Variants in FRG1 observed in about 807,000 individuals in gnomAD.
FRG1 encodes the protein FSHD region gene 1, also known as protein FRG1.
Under a neutral mutation model 37.0 loss-of-function variants are expected in FRG1, and 19 were observed. The ratio of observed to expected loss-of-function variants is 0.51; its 90% confidence interval spans 0.36 to 0.75. FRG1 has a LOEUF of 0.75. FRG1 is among the 30% of genes least tolerant of loss of function. FRG1 has a pLI of 0.00. For synonymous variants in FRG1, 73 were observed against 96.5 expected (o/e 0.76, Z 1.43); for missense variants, 243 against 301.4 (o/e 0.81, Z 1.44).
chr4:189,963,033 C>A, intron 8 of FRG1, 60 bp from the exon 9 acceptor site: 3 of 1,080,474 alleles, frequency 2.8e-6, no homozygotes, highest in East Asian at 2.5e-5. Context: ...TATTTAGTAG[C>A]AGTTGAATAT....
chr4:189,955,228 T>C (rs1057348578), intron 5 of FRG1, 77 bp downstream of exon 5: 118 of 853,378 alleles, frequency 1.4e-4, no homozygotes, highest in Middle Eastern at 4.9e-4. Flanking sequence ...ATAATATATT[T>C]AAAAAGAAAA....
At chr4:189,944,427 A>AT (rs931051855) in intron 2 of FRG1, among the ~76,000 whole-genome samples, 31 of 147,096 alleles carry the variant, frequency 2.1e-4, no homozygotes, top group East Asian at 2.0e-3. Context: ...AGCTCAGTTT[A>AT]TTTTTTTTTT....
In FRG1 at chr4:189,940,893, T is replaced by C. The variant is rs1211994535; in HGVS notation, c.-117T>C. 4.3e-6 allele frequency: 3 copies of C among 704,706 alleles called. No homozygotes were observed. The highest frequency in any genetic ancestry group is 2.4e-5 in the Admixed American group (1 of 41,458). 43.7% of individuals were successfully genotyped at this position (704,706 alleles called of 1,614,324 possible). ...AGGCGGGTTCTACAGAGACGTAGGC[T>C]GTCAGGGAGTGTTTATTTCGCGTCC... On this transcript the variant is annotated 5_prime_UTR_variant, in exon 1 of 9. Transcript: ENST00000226798.
In FRG1 at chr4:189,941,659, T is replaced by C. The variant is rs1168577224; in HGVS notation, c.62+588T>C. On this transcript the variant is annotated intron_variant, in intron 1 of 8. Transcript: ENST00000226798. ...ATATCTGAACCTCCGTTTACACATT[T>C]ATACTTTCAGACGTTTTTTATACTT... Among the ~76,000 whole-genome samples the C allele has an allele frequency of 2.6e-5, 4 of 152,216 alleles. No individual in the cohort carries two copies. In the East Asian group the frequency reaches 7.7e-4, roughly 29 times the overall value.
Position 189,957,432 on chromosome 4 carries a change from T to A in FRG1, c.467T>A (p.Phe156Tyr), listed in dbSNP as rs781418925. ...KMALLASNSC[F>Y]IRCNEAGDIE... ...GCTTTGTTGGCCTCAAATAGCTGCT[T>A]TATTAGATGCAATGAAGCAGGGGAC... The change falls in exon 6 of 9, where the codon TTT (phenylalanine) becomes TAT (tyrosine). Residue 156 changes from phenylalanine (F) to tyrosine (Y), a missense_variant. Phe to Tyr is a conservative substitution (Grantham distance 22). This residue lies in a region of FRG1 where 133 missense variants were observed against 199.3 expected (regional missense o/e 0.67). Transcript: ENST00000226798. 6.2e-7 allele frequency: 1 copy of A among 1,612,612 alleles called. No individual in the cohort carries two copies. The highest frequency in any genetic ancestry group is 8.5e-7 in the Non-Finnish European group (1 of 1,179,178).
chr4:189,953,358 C>T (rs1341607767), intron 4 of FRG1, among the ~76,000 whole-genome samples: 4 of 151,756 alleles, frequency 2.6e-5, no homozygotes, highest in African/African-American at 2.4e-5. Context: ...TTTCACATAC[C>T]GAATAAGATA....
At chr4:189,952,739 G>A (rs948398365) in intron 3 of FRG1, among the ~76,000 whole-genome samples, 1 of 152,070 alleles carries the variant, frequency 6.6e-6, no homozygotes, top group Admixed American at 6.5e-5. Context: ...GGTCAGCAAG[G>A]CCATCCCTTG....
At chr4:189,944,053 A>G (rs574024205) in intron 2 of FRG1, among the ~76,000 whole-genome samples, 7 of 152,316 alleles carry the variant, frequency 4.6e-5, no homozygotes, top group African/African-American at 1.7e-4. Flanking sequence ...TGGTTGTGCC[A>G]TTTTACCCTC....
intron 1 of FRG1, among the ~76,000 whole-genome samples, chr4:189,941,338 G>T (rs887558367): frequency 6.6e-6 from 1 of 152,226 alleles, no homozygotes; most frequent in African/African-American, 2.4e-5. Context: ...GTCCCCTGAG[G>T]CATCTCTCCA....
At chr4:189,960,715 A>G (rs1344533297) in intron 6 of FRG1, 33 bp from the exon 7 acceptor site, 1 of 1,524,266 alleles carries the variant, frequency 6.6e-7, no homozygotes, top group East Asian at 2.2e-5. Context: ...AGATAAACAT[A>G]TAACCCATTG....
At chr4:189,941,249 G>A (rs1368638749) in intron 1 of FRG1, among the ~76,000 whole-genome samples, 178 bp downstream of exon 1, 3 of 152,204 alleles carry the variant, frequency 2.0e-5, no homozygotes, top group Non-Finnish European at 4.4e-5. Context: ...TGTGCAGAGA[G>A]GGGCAGCCTC....
In FRG1 at chr4:189,950,148, CT is replaced by C. The variant is rs1300930336; in HGVS notation, c.134-2010del. Among the ~76,000 whole-genome samples the C allele has an allele frequency of 4.6e-5, 7 of 152,290 alleles. No homozygotes were observed. In the East Asian group the frequency reaches 1.2e-3, roughly 25 times the overall value. ...CCTAGTGACTAGTGATGTTGAGCGT[CT>C]TTTCAAGTGCTTATTGGCCATTTGT... On this transcript the variant is annotated intron_variant, in intron 2 of 8. Transcript: ENST00000226798.
chr4:189,960,090 G>A (rs1332227002), intron 6 of FRG1, among the ~76,000 whole-genome samples: 1 of 152,168 alleles, frequency 6.6e-6, no homozygotes, highest in Admixed American at 6.5e-5. Flanking sequence ...CACGTTATTT[G>A]TCATCACTTT....
intron 5 of FRG1, among the ~76,000 whole-genome samples, 181 bp downstream of exon 5, chr4:189,955,332 G>A (rs564538893): frequency 1.3e-5 from 2 of 152,252 alleles, no homozygotes; most frequent in Middle Eastern, 3.4e-3. Flanking sequence ...AACAAAAATC[G>A]CATTAGTCCT....
At position 189,940,943 on chromosome 4, in the gene FRG1, G is replaced by T; in HGVS notation, c.-67G>T. Reference sequence around the variant, plus strand: ...CGCTTCTGTTTCTCCGCGCCCCTGTGCTGCCCCGACTCACATACTCGTCCA... The same window carrying T: ...CGCTTCTGTTTCTCCGCGCCCCTGTTCTGCCCCGACTCACATACTCGTCCA... On this transcript the variant is annotated 5_prime_UTR_variant, in exon 1 of 9. Coordinates refer to ENST00000226798, the MANE Select transcript of FRG1 (RefSeq NM_004477.3). 7.6e-7 allele frequency: 1 copy of T among 1,309,524 alleles called. No individual in the cohort carries two copies. The highest frequency in any genetic ancestry group is 1.1e-6 in the Non-Finnish European group (1 of 911,786). The allele number at this position is 1,309,524 out of a possible 1,614,324, so 81.1% of individuals were successfully genotyped here.
At chr4:189,959,931 G>A (rs1486234993) in intron 6 of FRG1, 1 of 962,410 alleles carries the variant, frequency 1.0e-6, no homozygotes, top group African/African-American at 1.8e-5. Context: ...AGGTAGCCTT[G>A]TGTTACCTCT....
chr4:189,952,238 A>G lies in FRG1; in HGVS notation c.210A>G (p.Ile70Met), dbSNP rs763834993. The change falls in exon 3 of 9, where the codon ATA becomes ATG. Residue 70 changes from isoleucine (I) to methionine (M), a missense_variant. Transcript: ENST00000226798. Reference sequence around the variant, plus strand: ...TTGAAATGGATAAGGGAACCTATATACATGCACTCGACAATGGTCTTTTTA... The same window carrying G: ...TTGAAATGGATAAGGGAACCTATATGCATGCACTCGACAATGGTCTTTTTA... ...IAIEMDKGTYIHALDNGLFTL... is the reference protein window; with the variant it reads ...IAIEMDKGTYMHALDNGLFTL... 4 of 1,610,278 alleles carry G rather than the reference A, an allele frequency of 2.5e-6. No homozygotes were observed. In the African/African-American group the frequency reaches 4.0e-5, roughly 16 times the overall value.
chr4:189,959,012 C>T (rs1026907183), intron 6 of FRG1, among the ~76,000 whole-genome samples: 4 of 152,192 alleles, frequency 2.6e-5, no homozygotes, highest in African/African-American at 9.7e-5. Context: ...GTGGAAGGCT[C>T]TAAGAGAGGG....
At position 189,955,034 on chromosome 4, in the gene FRG1, C is replaced by T. The variant is rs747991866; in HGVS notation, c.318-3C>T. Reference sequence around the variant, plus strand: ...AACTTTTATCTATGTTATTAATGTACAGAATCGCCCTGAAGTCTGGCTATG... The same window carrying T: ...AACTTTTATCTATGTTATTAATGTATAGAATCGCCCTGAAGTCTGGCTATG... On this transcript the variant is annotated splice_polypyrimidine_tract_variant and splice_region_variant and intron_variant, in intron 4 of 8. Coordinates refer to ENST00000226798, the MANE Select transcript of FRG1 (RefSeq NM_004477.3). 1.9e-6 allele frequency: 3 copies of T among 1,576,996 alleles called. No homozygotes were observed. The highest frequency in any genetic ancestry group is 2.2e-5 in the South Asian group (2 of 90,206).
Sources: allele counts gnomAD v4.1 joint callset (sites outside exome capture counted in the v4.1 genomes callset), GRCh38; gene constraint gnomAD v4.1.1; regional missense constraint gnomAD v4.1.1; transcripts MANE v1.5; gene names NCBI Gene and HGNC (gene_info 2026-07-23, HGNC 2026-07-21).